The following MAN1A1 variants were observed in gnomAD, a reference collection of about 807,000 sequenced individuals.
MAN1A1 encodes the protein mannosidase alpha class 1A member 1.
A neutral mutation model predicts 70.8 loss-of-function variants in MAN1A1; 29 were observed. That is an observed-to-expected ratio of 0.41 (90% CI 0.31 to 0.56). The LOEUF is 0.56. Among genes scored for constraint, MAN1A1 ranks in the 20% least tolerant of loss-of-function variants. The pLI is 0.29. For missense variants in MAN1A1, 747 were observed against 841.3 expected (o/e 0.89, Z 1.39); for synonymous variants, 349 against 330.1 (o/e 1.06, Z -0.62).
intron 6 of MAN1A1, among the ~76,000 whole-genome samples, chr6:119,210,323 T>C (rs1219196554): frequency 2.6e-5 from 4 of 152,160 alleles, no homozygotes; most frequent in Admixed American, 1.3e-4. Context: ...ACTGGGCAAG[T>C]TGGGATATTC....
At chr6:119,208,236 C>T (rs1468375168) in intron 6 of MAN1A1, among the ~76,000 whole-genome samples, 1 of 152,188 alleles carries the variant, frequency 6.6e-6, no homozygotes, top group Non-Finnish European at 1.5e-5. Context: ...CCAACTTCTA[C>T]ATCACTCTAA....
chr6:119,242,456 A>G (rs541169292), intron 6 of MAN1A1, among the ~76,000 whole-genome samples: 1 of 152,158 alleles, frequency 6.6e-6, no homozygotes, highest in Non-Finnish European at 1.5e-5. Context: ...TTTCTGCCAG[A>G]GGAAAATACA....
Position 119,216,870 on chromosome 6 carries a change from GA to G in MAN1A1, c.993-11989del, listed in dbSNP as rs1257680281. On this transcript the variant is annotated intron_variant, in intron 6 of 12. Transcript: ENST00000368468. ...CATGTTGTTGTATACTGTGTTTGCT[GA>G]AAACAGAAAGTATCCTGGTGCTCTG... Among the ~76,000 whole-genome samples the G allele has an allele frequency of 4.6e-5, 7 of 152,314 alleles. No homozygotes were observed. The South Asian group carries it at 6.2e-4, about 14-fold the overall frequency.
intron 6 of MAN1A1, among the ~76,000 whole-genome samples, chr6:119,210,032 G>A (rs897749058): frequency 1.3e-5 from 2 of 152,110 alleles, no homozygotes; most frequent in African/African-American, 4.8e-5. Flanking sequence ...CTCATCACGG[G>A]TAGTTGTTTT....
intron 6 of MAN1A1, among the ~76,000 whole-genome samples, chr6:119,215,605 T>C (rs1392466972): frequency 3.3e-5 from 5 of 152,328 alleles, no homozygotes; most frequent in South Asian, 2.1e-4. Context: ...CCACAATTTA[T>C]AGATTGGGTC....
rs200894961 is a variant in MAN1A1, at chr6:119,193,768, T to C, written c.1326+9A>G. On this transcript the variant is annotated intron_variant, in intron 9 of 12. Coordinates refer to ENST00000368468, the MANE Select transcript of MAN1A1 (RefSeq NM_005907.4). ...CTGAGTGGCAAAGATGATTTAAATATTGGGTTACCTGAACAGCATCAAAAT... is the reference window on the plus strand; with the variant it reads ...CTGAGTGGCAAAGATGATTTAAATACTGGGTTACCTGAACAGCATCAAAAT... 1.7e-5 allele frequency: 27 copies of C among 1,589,418 alleles called. No homozygotes were observed. The highest frequency in any genetic ancestry group is 2.2e-5 in the Non-Finnish European group (25 of 1,160,344).
intron 5 of MAN1A1, among the ~76,000 whole-genome samples, chr6:119,258,442 C>A (rs556961786): frequency 6.6e-6 from 1 of 152,216 alleles, no homozygotes; most frequent in East Asian, 1.9e-4. Context: ...CAACTATTTA[C>A]ATAGCAATGA....
chr6:119,304,730 G>A (rs1772482491), intron 3 of MAN1A1, among the ~76,000 whole-genome samples: 1 of 152,128 alleles, frequency 6.6e-6, no homozygotes, highest in Non-Finnish European at 1.5e-5. Flanking sequence ...GCTAATAACT[G>A]GGAAAAGATT....
intron 11 of MAN1A1, among the ~76,000 whole-genome samples, chr6:119,187,769 T>C (rs1025004558): frequency 6.6e-6 from 1 of 152,162 alleles, no homozygotes; most frequent in Non-Finnish European, 1.5e-5. Flanking sequence ...ATCCTGCAGG[T>C]TGCCTCCTCA....
chr6:119,327,069 T>C (rs1043135624), intron 2 of MAN1A1, among the ~76,000 whole-genome samples: 3 of 152,010 alleles, frequency 2.0e-5, no homozygotes, highest in Non-Finnish European at 2.9e-5. Context: ...GCAAAGGGAG[T>C]TGGCAGGTAT....
chr6:119,285,312 A>G (rs2114406811), intron 5 of MAN1A1, among the ~76,000 whole-genome samples: 1 of 152,118 alleles, frequency 6.6e-6, no homozygotes, highest in East Asian at 1.9e-4. Flanking sequence ...TGCTGTAACT[A>G]ATAGAGTGAG....
intron 6 of MAN1A1, among the ~76,000 whole-genome samples, chr6:119,225,724 G>T (rs144803417): frequency 6.6e-6 from 1 of 152,208 alleles, no homozygotes; most frequent in East Asian, 1.9e-4. Flanking sequence ...GCCATAAGAC[G>T]CAAGAATGGC....
At chr6:119,242,212 A>G (rs1775032018) in intron 6 of MAN1A1, among the ~76,000 whole-genome samples, 1 of 152,148 alleles carries the variant, frequency 6.6e-6, no homozygotes, top group Non-Finnish European at 1.5e-5. Flanking sequence ...GGATAAGAAC[A>G]TAACTCTGGA....
intron 2 of MAN1A1, among the ~76,000 whole-genome samples, chr6:119,344,143 C>T (rs1039078326): frequency 2.6e-5 from 4 of 152,178 alleles, no homozygotes; most frequent in Non-Finnish European, 2.9e-5. Flanking sequence ...CTAAGAAGTA[C>T]AGATAGATGC....
intron 4 of MAN1A1, among the ~76,000 whole-genome samples, chr6:119,300,751 T>C (rs1772369688): frequency 6.6e-6 from 1 of 152,146 alleles, no homozygotes; most frequent in Non-Finnish European, 1.5e-5. Context: ...AACACATTGA[T>C]CCCCAAGGTC....
intron 9 of MAN1A1, 79 bp downstream of exon 9, chr6:119,193,698 A>T (rs1253931068): frequency 7.9e-6 from 7 of 887,504 alleles, no homozygotes; most frequent in Non-Finnish European, 1.2e-5. Flanking sequence ...GTAGTATACC[A>T]CTTATTCATT....
intron 6 of MAN1A1, among the ~76,000 whole-genome samples, chr6:119,245,442 C>T (rs1775144633): frequency 6.6e-6 from 1 of 152,084 alleles, no homozygotes; most frequent in African/African-American, 2.4e-5. Flanking sequence ...ACAAATGACA[C>T]CAACAGCACA....
In MAN1A1 at chr6:119,208,610, C is replaced by T. The variant is rs141552385; in HGVS notation, c.993-3728G>A. 3.9e-5 allele frequency among the ~76,000 whole-genome samples: 6 copies of T among 152,260 alleles called. No individual in the cohort carries two copies. The East Asian group carries it at 1.2e-3, about 29-fold the overall frequency. Reference sequence around the variant, plus strand: ...GCAATGGGCTTTATGTGCTTTTCCTCCTGTCTTCTGGGAATGGTTAATAGG... The same window carrying T: ...GCAATGGGCTTTATGTGCTTTTCCTTCTGTCTTCTGGGAATGGTTAATAGG... On this transcript the variant is annotated intron_variant, in intron 6 of 12. Coordinates refer to ENST00000368468, the MANE Select transcript of MAN1A1 (RefSeq NM_005907.4).
chr6:119,270,826 T>C (rs368874177), intron 5 of MAN1A1, among the ~76,000 whole-genome samples: 1 of 152,238 alleles, frequency 6.6e-6, no homozygotes, highest in African/African-American at 2.4e-5. Flanking sequence ...TATAATACAA[T>C]AGAATGCAAT....
Sources: allele counts gnomAD v4.1 joint callset (sites outside exome capture counted in the v4.1 genomes callset), GRCh38; gene constraint gnomAD v4.1.1; transcripts MANE v1.5; gene names NCBI Gene and HGNC (gene_info 2026-07-23, HGNC 2026-07-21).